GPATCH1: variants seen among roughly 807,000 people sequenced by gnomAD.
GPATCH1 encodes G-patch domain containing 1.
GPATCH1 carries 73 observed loss-of-function variants against 114.9 expected under a neutral mutation model. That is an observed-to-expected ratio of 0.64 (90% CI 0.53 to 0.77). The LOEUF (loss-of-function observed/expected upper bound fraction) is 0.77. Among genes scored for constraint, GPATCH1 ranks in the 30% least tolerant of loss-of-function variants. GPATCH1 has a pLI of 0.00. For missense variants in GPATCH1, 1,058 were observed against 1,144.3 expected, an observed-to-expected ratio of 0.92 and a Z score of 1.09; for synonymous variants, 391 against 428.4, an observed-to-expected ratio of 0.91 and a Z score of 1.08.
At chr19:33,109,040 G>A (rs1052195493) in intron 10 of GPATCH1, among the ~76,000 whole-genome samples, 3 of 151,818 alleles carry the variant, frequency 2.0e-5, no homozygotes, top group East Asian at 1.9e-4. Flanking sequence ...GAAACATGGC[G>A]TAATCCCGTC....
intron 5 of GPATCH1, among the ~76,000 whole-genome samples, chr19:33,095,365 G>A (rs1011241220): frequency 6.7e-6 from 1 of 149,802 alleles, no homozygotes; most frequent in Non-Finnish European, 1.5e-5. Context: ...CGGTTCAAGC[G>A]ATTCTCCTGC....
At position 33,118,035 on chromosome 19, in the gene GPATCH1, G is replaced by T; in HGVS notation, c.2407G>T (p.Ala803Ser). 1 of 1,611,398 alleles carries T rather than the reference G, an allele frequency of 6.2e-7. No individual in the cohort carries two copies. The change falls in exon 16 of 20, where the codon GCT becomes TCT. Residue 803 changes from alanine (A) to serine (S), a missense_variant. This residue lies in a region of GPATCH1 where 893 missense variants were observed against 977.4 expected (regional missense o/e 0.91). Coordinates refer to ENST00000170564, the MANE Select transcript of GPATCH1 (RefSeq NM_018025.3). ...DTDLGETSSV[A>S]HALVPAPQEP... The stretch of plus-strand genomic sequence containing the variant: ...TGACTTGGGGGAAACATCATCTGTG[G>T]CTCACGGTATGTCAGTATTTCAGAC...
At chr19:33,089,449 T>C (rs1444822681) in intron 2 of GPATCH1, among the ~76,000 whole-genome samples, 4 of 152,200 alleles carry the variant, frequency 2.6e-5, no homozygotes, top group South Asian at 2.1e-4. Context: ...TGTTTTAAGA[T>C]ATATTAATCT....
At chr19:33,086,450 C>T (rs966603914) in intron 1 of GPATCH1, among the ~76,000 whole-genome samples, 3 of 152,032 alleles carry the variant, frequency 2.0e-5, no homozygotes, top group African/African-American at 7.2e-5. Flanking sequence ...GATGAAGTAA[C>T]TTGTTCAAGA....
chr19:33,111,973 TC>T (rs112252510), intron 12 of GPATCH1, 71 bp downstream of exon 12: 115 of 1,265,512 alleles, frequency 9.1e-5, no homozygotes, highest in South Asian at 1.9e-4. Context: ...AATAGTTTTT[TC>T]CTTTTTTTTG....
chr19:33,096,361 A>G lies in GPATCH1; in HGVS notation c.767A>G (p.Asn256Ser), dbSNP rs745881363. 1 of 1,614,118 alleles carries G rather than the reference A, an allele frequency of 6.2e-7. No individual in the cohort carries two copies. The highest frequency in any genetic ancestry group is 2.2e-5 in the East Asian group (1 of 44,884). The stretch of plus-strand genomic sequence containing the variant: ...TTTGGAACTTCGGGAGAACATTTTA[A>G]TCTTTTCAGTGGTGGTTCTGAGAGA... Reference protein sequence around the residue: ...ALFGTSGEHFNLFSGGSERAG... With the variant: ...ALFGTSGEHFSLFSGGSERAG... Residue 256 changes from asparagine (N) to serine (S), a missense_variant, in exon 7 of 20, where the codon AAT (asparagine) becomes AGT (serine). Transcript: ENST00000170564.
In GPATCH1 at chr19:33,081,222, A is replaced by T. The variant is rs768683745; in HGVS notation, c.29A>T (p.Glu10Val). 1 of 1,551,800 alleles carries T rather than the reference A, an allele frequency of 6.4e-7. No homozygotes were observed. The highest frequency in any genetic ancestry group is 8.7e-7 in the Non-Finnish European group (1 of 1,147,080). Residue 10 changes from glutamate (E) to valine (V), a missense_variant, in exon 1 of 20, where the codon GAA becomes GTA. This residue lies in a region of GPATCH1 where 131 missense variants were observed against 107.2 expected (regional missense o/e 1.22). Transcript: ENST00000170564. The part of the protein sequence containing the change: MAARDSDSE[E>V]DLVSYGTGLE... Reference sequence around the variant, plus strand: ...GCGGCGCGGGACAGTGACAGCGAAGAAGATCTGGTCAGCTATGGGACCGGG... The same window carrying T: ...GCGGCGCGGGACAGTGACAGCGAAGTAGATCTGGTCAGCTATGGGACCGGG...
intron 1 of GPATCH1, among the ~76,000 whole-genome samples, chr19:33,084,617 G>A (rs561336388): frequency 1.6e-4 from 24 of 149,498 alleles, no homozygotes; most frequent in African/African-American, 5.2e-4. Context: ...TTGGCCTCCC[G>A]TTAGACTGGA....
At chr19:33,114,172 T>C (rs1471262848) in intron 14 of GPATCH1, 81 bp from the exon 15 acceptor site, 4 of 1,285,370 alleles carry the variant, frequency 3.1e-6, no homozygotes, top group Non-Finnish European at 4.5e-6. Context: ...GCTGACATTC[T>C]GAGTGAATGA....
chr19:33,122,483 C>G (rs1414436976), intron 17 of GPATCH1, among the ~76,000 whole-genome samples: 25 of 152,058 alleles, frequency 1.6e-4, no homozygotes, highest in Admixed American at 1.6e-3. Context: ...TGCCACCACG[C>G]CTGCCTAATT....
intron 9 of GPATCH1, among the ~76,000 whole-genome samples, chr19:33,104,563 C>T (rs553536663): frequency 1.3e-5 from 2 of 152,162 alleles, no homozygotes; most frequent in Admixed American, 1.3e-4. Flanking sequence ...TTCATTGTGC[C>T]AGGGGCTTGA....
chr19:33,091,909 C>G (rs1427930150), intron 3 of GPATCH1, among the ~76,000 whole-genome samples: 3 of 152,186 alleles, frequency 2.0e-5, no homozygotes, highest in African/African-American at 4.8e-5. Flanking sequence ...AGACCCCAGG[C>G]TCTCTCTTCT....
chr19:33,104,807 A>G (rs1320996629), intron 9 of GPATCH1, among the ~76,000 whole-genome samples: 2 of 152,138 alleles, frequency 1.3e-5, no homozygotes, highest in East Asian at 3.9e-4. Context: ...AAATCTAGAG[A>G]ATATTTCAGT....
In GPATCH1 at chr19:33,112,566, T is replaced by C; in HGVS notation, c.1845T>C (p.Pro615=). The C allele has an allele frequency of 6.2e-7, 1 of 1,614,002 alleles. No homozygotes were observed. The part of the protein sequence containing the change: ...KLTRDTFEWH[P]DKLLCKRFNV... The stretch of plus-strand genomic sequence containing the variant: ...CCCGAGACACGTTTGAGTGGCACCC[T>C]GACAAGCTTCTATGTAAGAGATTTA... Residue 615 remains proline, a synonymous_variant, in exon 13 of 20, where the codon CCT becomes CCC. Transcript: ENST00000170564.
intron 14 of GPATCH1, 129 bp downstream of exon 14, chr19:33,114,032 T>A: frequency 3.4e-6 from 3 of 870,684 alleles, no homozygotes; most frequent in South Asian, 1.7e-5. Context: ...ATTGAGGGAA[T>A]TACTCTTACT....
chr19:33,128,094 A>T (rs1303804497), intron 19 of GPATCH1, among the ~76,000 whole-genome samples: 2 of 148,572 alleles, frequency 1.3e-5, no homozygotes, highest in Non-Finnish European at 3.0e-5. Context: ...TATGAATTTT[A>T]TTTTATTTTT....
chr19:33,111,271 C>T (rs900940583), intron 11 of GPATCH1, among the ~76,000 whole-genome samples: 1 of 151,362 alleles, frequency 6.6e-6, no homozygotes, highest in East Asian at 2.0e-4. Flanking sequence ...GTAGTCCCAG[C>T]TACTCGGGAG....
intron 19 of GPATCH1, among the ~76,000 whole-genome samples, 171 bp downstream of exon 19, chr19:33,126,904 C>A (rs1973048200): frequency 6.6e-6 from 1 of 151,980 alleles, no homozygotes; most frequent in Non-Finnish European, 1.5e-5. Flanking sequence ...ATCGCTTGAG[C>A]CCAGGAGTTT....
intron 15 of GPATCH1, among the ~76,000 whole-genome samples, chr19:33,114,797 CTTTTTTTTTT>C (rs546074419): frequency 4.6e-5 from 4 of 87,168 alleles, no homozygotes; most frequent in East Asian, 4.3e-4. Context: ...CTATTTCTCT[CTTTTTTTTTT>C]TTTTTTTTTT....
Sources: gnomAD v4.1 joint callset for allele counts (sites outside exome capture counted in the v4.1 genomes callset) on GRCh38, gnomAD v4.1.1 for gene constraint, gnomAD v4.1.1 regional missense constraint, MANE v1.5 for transcripts, NCBI Gene and HGNC (gene_info 2026-07-23, HGNC 2026-07-21) for gene names.